CASK: variants seen among roughly 807,000 people sequenced by gnomAD.
CASK encodes peripheral plasma membrane protein CASK.
A neutral mutation model predicts 82.9 loss-of-function variants in CASK; 4 were observed. That is an observed-to-expected ratio of 0.05 (90% CI 0.02 to 0.11). The LOEUF (loss-of-function observed/expected upper bound fraction) is 0.11, where lower values mean the gene tolerates loss of function less well. Ranked by LOEUF, CASK falls within the 10% of genes least tolerant of loss-of-function variation. The pLI is 1.00. For missense variants in CASK, 358 were observed against 720.9 expected, an observed-to-expected ratio of 0.50 and a Z score of 5.76; for synonymous variants, 259 against 253.5, an observed-to-expected ratio of 1.02 and a Z score of -0.20.
chrX:41,532,104 T>C (rs2064812706), intron 24 of CASK, among the ~76,000 whole-genome samples: 1 of 110,976 alleles, frequency 9.0e-6, no homozygotes, highest in African/African-American at 3.3e-5. Context: ...CCCAGCTATT[T>C]TTTGTATTTC....
intron 26 of CASK, among the ~76,000 whole-genome samples, chrX:41,522,793 T>C (rs2147064805): frequency 8.9e-6 from 1 of 112,644 alleles, no homozygotes; most frequent in South Asian, 3.6e-4. Context: ...AAGAATCTTT[T>C]AAGACGAAGC....
chrX:41,877,196 C>T (rs2071841995), intron 1 of CASK, among the ~76,000 whole-genome samples: 1 of 111,723 alleles, frequency 9.0e-6, no homozygotes, highest in Non-Finnish European at 1.9e-5. Context: ...TCAACCACCA[C>T]AAGACAATCA....
chrX:41,569,326 C>T (rs2065369441), intron 16 of CASK, among the ~76,000 whole-genome samples: 1 of 111,804 alleles, frequency 8.9e-6, no homozygotes, highest in Admixed American at 9.5e-5. Flanking sequence ...TACAGAGATG[C>T]TCTGGCTAAC....
intron 3 of CASK, among the ~76,000 whole-genome samples, chrX:41,756,292 A>G (rs2068893432): frequency 8.9e-6 from 1 of 112,113 alleles, no homozygotes; most frequent in African/African-American, 3.2e-5. Flanking sequence ...GATTTATGAC[A>G]AAGGAGGATA....
chrX:41,672,516 CTCCTA>C (rs2067210391), intron 5 of CASK, among the ~76,000 whole-genome samples: 1 of 111,243 alleles, frequency 9.0e-6, no homozygotes, highest in African/African-American at 3.3e-5. Flanking sequence ...TAAAAATTCT[CTCCTA>C]TATTTTCTCA....
At chrX:41,793,800 T>C (rs911062597) in intron 2 of CASK, among the ~76,000 whole-genome samples, 1 of 112,036 alleles carries the variant, frequency 8.9e-6, no homozygotes, top group African/African-American at 3.2e-5. Flanking sequence ...GACCAAATGA[T>C]ACTTTAAGAA....
At chrX:41,573,846 C>T (rs768910309) in intron 15 of CASK, among the ~76,000 whole-genome samples, 1 of 111,557 alleles carries the variant, frequency 9.0e-6, no homozygotes, top group Non-Finnish European at 1.9e-5. Flanking sequence ...TTGGGTCTTG[C>T]GTTCATGATC....
intron 24 of CASK, among the ~76,000 whole-genome samples, chrX:41,531,715 T>G (rs187647230): frequency 1.0e-3 from 117 of 112,615 alleles, no homozygotes; most frequent in Middle Eastern, 4.6e-3. Context: ...TGTACTGGAC[T>G]GCACAGACAT....
At chrX:41,767,966 G>A (rs2069147899) in intron 3 of CASK, among the ~76,000 whole-genome samples, 1 of 111,775 alleles carries the variant, frequency 8.9e-6, no homozygotes, top group Non-Finnish European at 1.9e-5. Flanking sequence ...CAAGGGTGGA[G>A]GGAAATTATC....
At chrX:41,653,584 C>G (rs1012259957) in intron 8 of CASK, among the ~76,000 whole-genome samples, 3 of 111,664 alleles carry the variant, frequency 2.7e-5, no homozygotes, top group African/African-American at 9.8e-5. Flanking sequence ...AAGCTGACCC[C>G]CAAAGGAAAA....
At chrX:41,854,951 C>T (rs2071341992) in intron 1 of CASK, among the ~76,000 whole-genome samples, 1 of 112,040 alleles carries the variant, frequency 8.9e-6, no homozygotes, top group African/African-American at 3.2e-5. Flanking sequence ...TCAGGAAATG[C>T]TTCATGTAAT....
intron 5 of CASK, among the ~76,000 whole-genome samples, chrX:41,735,227 AAATAT>A (rs1306301127): frequency 9.0e-6 from 1 of 111,621 alleles, no homozygotes; most frequent in African/African-American, 3.3e-5. Flanking sequence ...TTTCGTTATT[AAATAT>A]AAGGAAAGAA....
At chrX:41,651,986 G>A (rs2066872253) in intron 8 of CASK, among the ~76,000 whole-genome samples, 1 of 111,314 alleles carries the variant, frequency 9.0e-6, no homozygotes, top group African/African-American at 3.3e-5. Context: ...GGGGAAGGGG[G>A]ATAGGGAATA....
chrX:41,607,203 A>T (rs2065975803), intron 12 of CASK, among the ~76,000 whole-genome samples: 1 of 112,723 alleles, frequency 8.9e-6, no homozygotes. Flanking sequence ...TGCAGCAGTT[A>T]TTCGTGTCTG....
chrX:41,776,587 A>G (rs777455960), intron 3 of CASK, among the ~76,000 whole-genome samples: 1 of 112,468 alleles, frequency 8.9e-6, no homozygotes, highest in South Asian at 3.7e-4. Context: ...CTACAGATTA[A>G]TTGTTGGAAT....
rs1251450806 is a variant in CASK, at chrX:41,516,836, C to T, written c.*3584G>A. The T allele has an allele frequency of 1.8e-5, 2 of 110,051 alleles. No homozygotes were observed. Among genetic ancestry groups the T allele is most frequent in the African/African-American group, 6.6e-5 (2 of 30,176 alleles). The allele number at this position is 110,051 out of a possible 1,213,427, so 9.1% of individuals were successfully genotyped here. On this transcript the variant is annotated 3_prime_UTR_variant, in exon 27 of 27. Transcript: ENST00000378163. Reference sequence around the variant, plus strand: ...GCTTTAGCAACACATTCTCTTTGCCCCAAGTTAAGAAACTGGCCTGAAATG... The same window carrying T: ...GCTTTAGCAACACATTCTCTTTGCCTCAAGTTAAGAAACTGGCCTGAAATG...
chrX:41,790,160 C>A, intron 2 of CASK: 1 of 860,536 alleles, frequency 1.2e-6, no homozygotes, highest in Non-Finnish European at 1.5e-6. Context: ...CAAATGAGGA[C>A]TTTTTATTTG....
intron 2 of CASK, among the ~76,000 whole-genome samples, chrX:41,821,650 C>T (rs1045944881): frequency 8.9e-6 from 1 of 112,265 alleles, no homozygotes; most frequent in Non-Finnish European, 1.9e-5. Context: ...TTTCTAAGAA[C>T]AAGAAAATGG....
At chrX:41,606,950 C>T (rs1185188023) in intron 12 of CASK, among the ~76,000 whole-genome samples, 6 of 111,496 alleles carry the variant, frequency 5.4e-5, no homozygotes, top group African/African-American at 2.0e-4. Flanking sequence ...ACAATGACCT[C>T]CCAAAGTGCT....
Sources: gnomAD v4.1 joint callset for allele counts (sites outside exome capture counted in the v4.1 genomes callset) on GRCh38, gnomAD v4.1.1 for gene constraint, MANE v1.5 for transcripts, NCBI Gene and HGNC (gene_info 2026-07-23, HGNC 2026-07-21) for gene names.